EBF2: variants seen among roughly 807,000 people sequenced by gnomAD.
The protein encoded by EBF2 is transcription factor COE2.
A neutral mutation model predicts 72.8 loss-of-function variants in EBF2; 21 were observed. That is an observed-to-expected ratio of 0.29 (90% CI 0.20 to 0.42). EBF2 has a LOEUF of 0.42. Among genes scored for constraint, EBF2 ranks in the 10% least tolerant of loss-of-function variants. The pLI, the probability that EBF2 is intolerant of heterozygous loss-of-function variation, is 1.00. For missense variants in EBF2, 637 were observed against 731.2 expected (o/e 0.87, Z 1.49); for synonymous variants, 299 against 274.2 (o/e 1.09, Z -0.89).
In EBF2 at chr8:26,045,224, C is replaced by A; in HGVS notation, c.-365G>T. The A allele has an allele frequency of 6.2e-6, 1 of 161,018 alleles. No individual in the cohort carries two copies. The allele number at this position is 161,018 out of a possible 1,614,324, so 10.0% of individuals were successfully genotyped here. A position where few individuals can be genotyped will look rare whatever the true frequency, so the allele number is the denominator to read the frequency against. On this transcript the variant is annotated 5_prime_UTR_variant, in exon 1 of 16. Coordinates refer to ENST00000520164, the MANE Select transcript of EBF2 (RefSeq NM_022659.4). ...GAGGAAATTGATGGCTGCCTAATCT[C>A]TCCCCTTCCTCCAGGTCCCCCCTCC...
chr8:25,907,553 C>G (rs769244460), intron 7 of EBF2, among the ~76,000 whole-genome samples: 2 of 151,788 alleles, frequency 1.3e-5, no homozygotes, highest in Non-Finnish European at 2.9e-5. Flanking sequence ...TCAAACAACT[C>G]CTCCCGGCTC....
At chr8:25,894,385 G>A (rs1048633235) in intron 7 of EBF2, among the ~76,000 whole-genome samples, 2 of 152,172 alleles carry the variant, frequency 1.3e-5, no homozygotes, top group African/African-American at 4.8e-5. Flanking sequence ...AGGACCAAAG[G>A]AAGTGGAATG....
intron 6 of EBF2, among the ~76,000 whole-genome samples, chr8:25,932,548 G>T (rs1279833127): frequency 6.6e-6 from 1 of 152,152 alleles, no homozygotes; most frequent in Non-Finnish European, 1.5e-5. Context: ...GAAGCCTCCT[G>T]CCTACAAACA....
chr8:25,977,194 G>C (rs1348258427), intron 6 of EBF2, among the ~76,000 whole-genome samples: 1 of 152,180 alleles, frequency 6.6e-6, no homozygotes. Flanking sequence ...GGGAGAAGTG[G>C]CTCGGGGTAC....
chr8:25,987,046 A>G (rs1283416298), intron 6 of EBF2, among the ~76,000 whole-genome samples: 1 of 121,462 alleles, frequency 8.2e-6, no homozygotes. Context: ...TTACCCTGGA[A>G]TTAAAAAAAA....
chr8:25,966,091 C>A (rs1804110361), intron 6 of EBF2, among the ~76,000 whole-genome samples: 1 of 152,240 alleles, frequency 6.6e-6, no homozygotes. Flanking sequence ...CAGAGGTATG[C>A]ATTTGACCCA....
chr8:25,852,258 T>C (rs1585257603), intron 14 of EBF2, among the ~76,000 whole-genome samples: 1 of 152,246 alleles, frequency 6.6e-6, no homozygotes, highest in South Asian at 2.1e-4. Context: ...GTCTTATTCA[T>C]GGTTCTGAGC....
intron 15 of EBF2, among the ~76,000 whole-genome samples, chr8:25,845,948 C>T (rs925064307): frequency 6.6e-6 from 1 of 152,194 alleles, no homozygotes; most frequent in Admixed American, 6.5e-5. Context: ...CCTTCCATCT[C>T]TCTCTCCTCT....
chr8:25,911,954 T>A (rs182345103), intron 6 of EBF2, among the ~76,000 whole-genome samples: 93 of 152,330 alleles, frequency 6.1e-4, no homozygotes, highest in African/African-American at 2.2e-3. Flanking sequence ...TGAGTTGCAC[T>A]GTCCCTTTAG....
At chr8:26,007,913 A>T (rs1053543738) in intron 6 of EBF2, among the ~76,000 whole-genome samples, 2 of 151,862 alleles carry the variant, frequency 1.3e-5, no homozygotes, top group Admixed American at 6.6e-5. Context: ...AAAAAAAAAA[A>T]TAATAATTTT....
intron 6 of EBF2, among the ~76,000 whole-genome samples, chr8:25,982,592 T>G (rs1217513578): frequency 3.9e-5 from 6 of 152,212 alleles, no homozygotes. Flanking sequence ...GTTGGAGAAC[T>G]GTATGCAGAT....
chr8:25,846,785 C>A (rs1355283483), intron 15 of EBF2, among the ~76,000 whole-genome samples: 1 of 152,102 alleles, frequency 6.6e-6, no homozygotes, highest in East Asian at 1.9e-4. Flanking sequence ...ATCAAGATCC[C>A]CTGAATGACA....
intron 10 of EBF2, among the ~76,000 whole-genome samples, chr8:25,873,467 T>G (rs987204271): frequency 2.6e-5 from 4 of 152,168 alleles, no homozygotes; most frequent in African/African-American, 9.7e-5. Context: ...CCCACATCCA[T>G]TTGTTTTAAT....
chr8:25,952,070 A>G (rs1803872162), intron 6 of EBF2, among the ~76,000 whole-genome samples: 1 of 152,164 alleles, frequency 6.6e-6, no homozygotes, highest in African/African-American at 2.4e-5. Flanking sequence ...AGGCAGGAGG[A>G]TTGCTTGAGG....
At chr8:25,906,631 G>A (rs1316182350) in intron 7 of EBF2, among the ~76,000 whole-genome samples, 2 of 152,220 alleles carry the variant, frequency 1.3e-5, no homozygotes, top group African/African-American at 4.8e-5. Context: ...GCCAGGCGTG[G>A]TGGCATGTGC....
chr8:25,953,679 C>T (rs17054678), intron 6 of EBF2, among the ~76,000 whole-genome samples: 6,289 of 152,276 alleles, frequency 0.041, 195 homozygotes, highest in Middle Eastern at 0.11. Context: ...TTCAGATTCC[C>T]CATCAGCAAT....
chr8:25,978,120 C>T (rs772648356), intron 6 of EBF2, among the ~76,000 whole-genome samples: 24 of 152,138 alleles, frequency 1.6e-4, no homozygotes, highest in Non-Finnish European at 2.4e-4. Context: ...ACACTGGAAG[C>T]CCCAGAAACT....
In EBF2 at chr8:25,881,022, A is replaced by C. The variant is rs539381409; in HGVS notation, c.1009+5733T>G. Among the ~76,000 whole-genome samples, 36 of 152,054 alleles carry C rather than the reference A, an allele frequency of 2.4e-4. 2 individuals are homozygous for C. The South Asian group carries it at 7.3e-3, about 31-fold the overall frequency. The stretch of plus-strand genomic sequence containing the variant: ...CAAGTTGTGTCAATGTTACCTCCTA[A>C]ATTTTATCCACTTCTGCCTGTCCCC... On this transcript the variant is annotated intron_variant, in intron 10 of 15. Transcript: ENST00000520164.
intron 15 of EBF2, among the ~76,000 whole-genome samples, chr8:25,846,864 T>C (rs901001282): frequency 7.9e-5 from 12 of 152,176 alleles, no homozygotes; most frequent in African/African-American, 2.9e-4. Context: ...GCCTGATCTC[T>C]GCTAGGTGGA....
Sources: gnomAD v4.1 joint callset for allele counts (sites outside exome capture counted in the v4.1 genomes callset) on GRCh38, gnomAD v4.1.1 for gene constraint, MANE v1.5 for transcripts, NCBI Gene and HGNC (gene_info 2026-07-23, HGNC 2026-07-21) for gene names.